MAGI2: variants seen among roughly 807,000 people sequenced by gnomAD.
MAGI2 encodes membrane-associated guanylate kinase, WW and PDZ domain-containing protein 2.
Under a neutral mutation model 133.3 loss-of-function variants are expected in MAGI2, and 35 were observed. The observed-to-expected ratio is 0.26, with a 90% CI of 0.20 to 0.35. The LOEUF (loss-of-function observed/expected upper bound fraction) is 0.35. MAGI2 is among the 10% of genes least tolerant of loss of function. The pLI, the probability that MAGI2 is intolerant of heterozygous loss-of-function variation, is 1.00. For missense variants in MAGI2, 1,636 were observed against 1,863.4 expected (o/e 0.88, Z 2.25); for synonymous variants, 729 against 710.6 (o/e 1.03, Z -0.41).
chr7:78,599,009 A>G (rs1396587075), intron 3 of MAGI2, among the ~76,000 whole-genome samples: 1 of 152,122 alleles, frequency 6.6e-6, no homozygotes, highest in East Asian at 1.9e-4. Flanking sequence ...GTCAAAAGAT[A>G]GATTGTGTAT....
chr7:78,694,303 A>T (rs1193947991), intron 2 of MAGI2, among the ~76,000 whole-genome samples: 1 of 152,176 alleles, frequency 6.6e-6, no homozygotes, highest in Non-Finnish European at 1.5e-5. Context: ...CACACCTAAC[A>T]CATATGTACA....
At chr7:79,171,399 T>C (rs1006620406) in intron 1 of MAGI2, among the ~76,000 whole-genome samples, 85 of 152,036 alleles carry the variant, frequency 5.6e-4, no homozygotes, top group Non-Finnish European at 4.0e-4. Flanking sequence ...TCTTAAATAA[T>C]TATGTTTCCA....
chr7:78,029,381 T>G (rs1809318959), intron 21 of MAGI2, among the ~76,000 whole-genome samples: 1 of 152,226 alleles, frequency 6.6e-6, no homozygotes, highest in Non-Finnish European at 1.5e-5. Context: ...GTGTTAAGTG[T>G]TTGAATGATG....
chr7:78,461,002 GGCCTTTCATGCTTT>G (rs1398894662), intron 6 of MAGI2, among the ~76,000 whole-genome samples: 1 of 151,458 alleles, frequency 6.6e-6, no homozygotes, highest in Non-Finnish European at 1.5e-5. Flanking sequence ...AATCTTTCCT[GGCCTTTCATGCTTT>G]GCCTTTCTTC....
intron 3 of MAGI2, among the ~76,000 whole-genome samples, chr7:78,590,391 C>A (rs1191563135): frequency 6.6e-6 from 1 of 152,138 alleles, no homozygotes; most frequent in Admixed American, 6.5e-5. Flanking sequence ...ACTCCAGGAG[C>A]TTGGGTCATC....
At chr7:78,279,967 TAAGCAAACTCAGCTTAAACATGGC>T (rs1235826209) in intron 9 of MAGI2, among the ~76,000 whole-genome samples, 7 of 152,250 alleles carry the variant, frequency 4.6e-5, no homozygotes, top group South Asian at 4.1e-4. Flanking sequence ...AGCTTATCCT[TAAGCAAACTCAGCTTAAACATGGC>T]AAGCAAACCC....
Position 78,888,879 on chromosome 7 carries a change from G to A in MAGI2, c.418+118211C>T, listed in dbSNP as rs1796490190. On this transcript the variant is annotated intron_variant, in intron 2 of 21. Transcript: ENST00000354212. ...TAGCAATGGAACAAAGCTGGATGGA[G>A]AATGACTTTGATGAGTTGAGAGAAG... 2.0e-5 allele frequency among the ~76,000 whole-genome samples: 3 copies of A among 152,206 alleles called. 1 individual carries two copies. The South Asian group carries it at 6.2e-4, about 31-fold the overall frequency.
intron 2 of MAGI2, among the ~76,000 whole-genome samples, chr7:78,669,341 A>C (rs147522401): frequency 5.4e-4 from 82 of 150,968 alleles, no homozygotes; most frequent in Middle Eastern, 3.4e-3. Context: ...TAAATTCCTC[A>C]ACACATACAC....
At chr7:79,398,896 A>G (rs1845249361) in intron 1 of MAGI2, among the ~76,000 whole-genome samples, 1 of 152,126 alleles carries the variant, frequency 6.6e-6, no homozygotes, top group Admixed American at 6.5e-5. Context: ...CTTTATGAAT[A>G]TAGCTTACTT....
intron 1 of MAGI2, among the ~76,000 whole-genome samples, chr7:79,254,808 T>G (rs1038621940): frequency 5.3e-5 from 8 of 152,282 alleles, no homozygotes; most frequent in Middle Eastern, 3.4e-3. Flanking sequence ...ATAAACACAA[T>G]AGAAAGTAAA....
intron 1 of MAGI2, among the ~76,000 whole-genome samples, chr7:79,329,844 A>G (rs987024021): frequency 2.0e-5 from 3 of 152,332 alleles, no homozygotes; most frequent in Non-Finnish European, 4.4e-5. Context: ...ATAAACAGCA[A>G]TCTAGCAAAT....
At chr7:78,038,649 A>G (rs1256646287) in intron 21 of MAGI2, among the ~76,000 whole-genome samples, 1 of 152,192 alleles carries the variant, frequency 6.6e-6, no homozygotes, top group Non-Finnish European at 1.5e-5. Flanking sequence ...TGCGGGTTGA[A>G]GTTCAAGATG....
intron 1 of MAGI2, among the ~76,000 whole-genome samples, chr7:79,165,346 A>G (rs935357924): frequency 6.6e-6 from 1 of 151,942 alleles, no homozygotes; most frequent in African/African-American, 2.4e-5. Flanking sequence ...TACCCACTGC[A>G]ATCAAAGCCC....
chr7:78,019,543 G>A lies in MAGI2; in HGVS notation c.4140C>T (p.Arg1380=). The change falls in exon 22 of 22, where the codon CGC becomes CGT. Residue 1380 remains arginine (R), a synonymous_variant. Transcript: ENST00000354212. Reference sequence around the variant, plus strand: ...ACGCCGGCGCAGCCCCCGGGCCTTCGCGCCGGCAGAGCTCGGAGCCCGCCG... The same window carrying A: ...ACGCCGGCGCAGCCCCCGGGCCTTCACGCCGGCAGAGCTCGGAGCCCGCCG... ...RAAAGSELCR[R]EGPGAAPAFA... 1.0e-6 allele frequency: 1 copy of A among 980,156 alleles called. No individual in the cohort carries two copies. The highest frequency in any genetic ancestry group is 1.2e-6 in the Non-Finnish European group (1 of 827,956). 60.7% of individuals were successfully genotyped at this position (980,156 alleles called of 1,614,324 possible).
intron 2 of MAGI2, among the ~76,000 whole-genome samples, chr7:78,695,901 T>C (rs1254685470): frequency 6.6e-6 from 1 of 152,184 alleles, no homozygotes; most frequent in Admixed American, 6.5e-5. Flanking sequence ...AAAAGACTTT[T>C]CTGTCTTCTC....
chr7:78,955,621 C>T (rs1802236332), intron 2 of MAGI2, among the ~76,000 whole-genome samples: 1 of 148,272 alleles, frequency 6.7e-6, no homozygotes, highest in Admixed American at 6.7e-5. Flanking sequence ...TCCCTCCCTT[C>T]CTTCCTTCCC....
At chr7:79,413,550 A>G (rs1585890138) in intron 1 of MAGI2, 1 of 152,214 alleles carries the variant, frequency 6.6e-6, no homozygotes, top group South Asian at 2.1e-4. Flanking sequence ...ACTGCTGGGG[A>G]CCCACCACTC....
intron 2 of MAGI2, among the ~76,000 whole-genome samples, chr7:78,649,236 G>GAAAAGAA (rs1554512646): frequency 2.3e-5 from 2 of 88,188 alleles, no homozygotes; most frequent in Non-Finnish European, 4.3e-5. Context: ...AAAAAAAAAA[G>GAAAAGAA]AAAAAAAAAG....
intron 2 of MAGI2, among the ~76,000 whole-genome samples, chr7:78,962,677 T>G (rs1170138467): frequency 6.6e-6 from 1 of 151,990 alleles, no homozygotes; most frequent in African/African-American, 2.4e-5. Context: ...GGATAATATA[T>G]TGGCATTGAT....
Sources: gnomAD v4.1 joint callset for allele counts (sites outside exome capture counted in the v4.1 genomes callset) on GRCh38, gnomAD v4.1.1 for gene constraint, MANE v1.5 for transcripts, NCBI Gene and HGNC (gene_info 2026-07-23, HGNC 2026-07-21) for gene names.